ZBED6: variants seen among roughly 807,000 people sequenced by gnomAD.
The protein encoded by ZBED6 is zinc finger BED-type containing 6.
In ZBED6, 40 loss-of-function variants were observed where a neutral mutation model predicts 58.4. The observed-to-expected ratio is 0.68, with a 90% CI of 0.53 to 0.89. The LOEUF is 0.89. ZBED6 is among the 40% of genes least tolerant of loss of function. ZBED6 has a pLI of 0.00. For missense variants in ZBED6, 1,057 were observed against 1,003.9 expected (o/e 1.05, Z -0.71); for synonymous variants, 439 against 350.6 (o/e 1.25, Z -2.82).
At chr1:203,846,344 G>A (rs921136830) in intron 11 of ZBED6, among the ~76,000 whole-genome samples, 3 of 152,178 alleles carry the variant, frequency 2.0e-5, no homozygotes, top group East Asian at 1.9e-4. Flanking sequence ...GATATAGAAC[G>A]ATTAATGTAT....
At chr1:203,796,584 A>T in exon 1 of ZBED6, 1 of 397,688 alleles carries the variant, frequency 2.5e-6, no homozygotes, top group South Asian at 1.3e-4. Context: ...GGAACTAGAG[A>T]TAGCGATGCT....
At chr1:203,805,675 T>G (rs752099323) in intron 1 of ZBED6, 11 of 686,516 alleles carry the variant, frequency 1.6e-5, no homozygotes, top group Non-Finnish European at 2.2e-5. Context: ...CATCCTTGTT[T>G]TTGTGACAGT....
exon 12 of ZBED6, chr1:203,847,389 G>T: frequency 5.6e-6 from 9 of 1,613,854 alleles, no homozygotes; most frequent in Non-Finnish European, 7.6e-6. Flanking sequence ...AAAAACATCG[G>T]CAGCAGGAAG....
At chr1:203,806,145 C>T in intron 1 of ZBED6, 1 of 504,046 alleles carries the variant, frequency 2.0e-6, no homozygotes, top group East Asian at 5.4e-5. Context: ...ACTTCACTAG[C>T]TCAGCATCCA....
At chr1:203,819,771 T>C (rs1677862198) in intron 3 of ZBED6, among the ~76,000 whole-genome samples, 1 of 149,806 alleles carries the variant, frequency 6.7e-6, no homozygotes, top group African/African-American at 2.4e-5. Context: ...TGATCTCTGG[T>C]GATCCACTTG....
exon 7 of ZBED6, chr1:203,830,202 T>G (rs1572176863): frequency 6.3e-7 from 1 of 1,597,036 alleles, no homozygotes. Context: ...AGAAGCAAGG[T>G]GGTAAGTCAT....
chr1:203,822,471 T>C lies in ZBED6; in HGVS notation c.*2873+3782T>C, dbSNP rs553222738. Among the ~76,000 whole-genome samples, 3 of 152,178 alleles carry C rather than the reference T, an allele frequency of 2.0e-5. No individual in the cohort carries two copies. The East Asian group carries it at 5.8e-4, about 30-fold the overall frequency. On this transcript the variant is annotated intron_variant, in intron 3 of 16. Transcript: ENST00000550078. ...ATAATGGATACTGTTTTCACACCTTTGGGCTGTGATACTTTGTGCTGAGCG... is the reference window on the plus strand; with the variant it reads ...ATAATGGATACTGTTTTCACACCTTCGGGCTGTGATACTTTGTGCTGAGCG...
rs748729194 is a variant in ZBED6, at chr1:203,799,522, A to G, written c.2000A>G (p.His667Arg). The G allele has an allele frequency of 8.5e-6, 6 of 703,032 alleles. No individual in the cohort carries two copies. In the South Asian group the frequency reaches 8.9e-5, roughly 10 times the overall value. The allele number at this position is 703,032 out of a possible 1,614,324, so 43.5% of individuals were successfully genotyped here. The change falls in exon 1 of 17, where the codon CAT becomes CGT. Residue 667 changes from histidine to arginine, a missense_variant. His to Arg is a conservative substitution (Grantham distance 29). Coordinates refer to ENST00000550078, the Ensembl canonical transcript of ZBED6. Reference sequence around the variant, plus strand: ...TTGGAGCATTGCTACTCAGTTCACCATAGTCTTGGTAGAGCCAGTGGAGTT... The same window carrying G: ...TTGGAGCATTGCTACTCAGTTCACCGTAGTCTTGGTAGAGCCAGTGGAGTT...
exon 1 of ZBED6, chr1:203,800,209 C>G: frequency 6.8e-7 from 1 of 1,477,590 alleles, no homozygotes; most frequent in Non-Finnish European, 9.1e-7. Context: ...AGCATATGGC[C>G]GGCTTTGACC....
At chr1:203,833,769 A>T (rs777650425) in intron 8 of ZBED6, 22 bp from the exon 9 acceptor site, 1 of 1,602,704 alleles carries the variant, frequency 6.2e-7, no homozygotes, top group Admixed American at 1.7e-5. Flanking sequence ...AGGATAGAGA[A>T]ATTCTGCTTT....
chr1:203,807,233 T>TA (rs1241018722), intron 1 of ZBED6, among the ~76,000 whole-genome samples: 1 of 152,202 alleles, frequency 6.6e-6, no homozygotes, highest in Non-Finnish European at 1.5e-5. Flanking sequence ...TAGGATTTTT[T>TA]ATCTGTGTCA....
At chr1:203,809,324 C>T (rs1233859570) in intron 1 of ZBED6, among the ~76,000 whole-genome samples, 3 of 151,852 alleles carry the variant, frequency 2.0e-5, no homozygotes, top group Non-Finnish European at 4.4e-5. Flanking sequence ...AACAGGCGCA[C>T]ACTACCGTGC....
intron 11 of ZBED6, among the ~76,000 whole-genome samples, chr1:203,844,513 GT>G (rs1448751632): frequency 6.6e-6 from 1 of 152,176 alleles, no homozygotes; most frequent in African/African-American, 2.4e-5. Context: ...ATTTTTAAAA[GT>G]TTGTGTATTA....
intron 9 of ZBED6, chr1:203,835,521 TTTTG>T (rs1438491458): frequency 1.2e-5 from 2 of 160,064 alleles, no homozygotes; most frequent in Non-Finnish European, 2.8e-5. Flanking sequence ...AGTATTTTAT[TTTTG>T]TTTATTTATT....
chr1:203,833,624 T>C (rs893494913), intron 8 of ZBED6, among the ~76,000 whole-genome samples, 167 bp from the exon 9 acceptor site: 15 of 149,352 alleles, frequency 1.0e-4, no homozygotes, highest in African/African-American at 3.7e-4. Context: ...TTGGGTTTTT[T>C]TTTTTTTTTT....
chr1:203,812,103 C>T (rs1674676921), intron 1 of ZBED6, among the ~76,000 whole-genome samples: 2 of 152,154 alleles, frequency 1.3e-5, no homozygotes, highest in Admixed American at 1.3e-4. Flanking sequence ...ATGTATGAGT[C>T]ACCACACTGG....
intron 3 of ZBED6, among the ~76,000 whole-genome samples, chr1:203,825,006 G>C (rs1680020040): frequency 6.6e-6 from 1 of 151,378 alleles, no homozygotes; most frequent in Non-Finnish European, 1.5e-5. Context: ...GAACCCTGGA[G>C]GTGGAGGTTT....
chr1:203,835,062 C>T (rs1558129903), intron 9 of ZBED6, among the ~76,000 whole-genome samples: 2 of 152,248 alleles, frequency 1.3e-5, no homozygotes, highest in Non-Finnish European at 2.9e-5. Flanking sequence ...GCAGTTCTCA[C>T]TACCCTATCT....
At chr1:203,836,410 T>G (rs2365980) in intron 9 of ZBED6, among the ~76,000 whole-genome samples, 1 of 151,878 alleles carries the variant, frequency 6.6e-6, no homozygotes, top group Non-Finnish European at 1.5e-5. Flanking sequence ...TAAAAAACCG[T>G]TTTTAAAAAC....
Sources: gnomAD v4.1 joint callset for allele counts (sites outside exome capture counted in the v4.1 genomes callset) on GRCh38, gnomAD v4.1.1 for gene constraint, MANE v1.5 for transcripts, NCBI Gene and HGNC (gene_info 2026-07-23, HGNC 2026-07-21) for gene names.